Variants in G6PD observed in about 807,000 individuals in gnomAD.
G6PD encodes glucose-6-phosphate 1-dehydrogenase.
A neutral mutation model predicts 38.2 loss-of-function variants in G6PD; 2 were observed. That is an observed-to-expected ratio of 0.05 (90% CI 0.02 to 0.16). G6PD has a LOEUF of 0.16. G6PD is among the 10% of genes least tolerant of loss of function. G6PD has a pLI of 1.00. For missense variants in G6PD, 310 were observed against 471.6 expected (o/e 0.66, Z 3.17); for synonymous variants, 188 against 196.0 (o/e 0.96, Z 0.34).
Position 154,535,316 on chromosome X carries a change from C to A in G6PD, c.337G>T (p.Asp113Tyr), listed in dbSNP as rs5030870. Residue 113 changes from aspartate (D) to tyrosine (Y), a missense_variant, in exon 5 of 13, where the codon GAT becomes TAT. Asp to Tyr is a radical substitution (Grantham distance 160). This residue lies in a region of G6PD where 96 missense variants were observed against 93.3 expected (regional missense o/e 1.03). Coordinates refer to ENST00000393562, the MANE Select transcript of G6PD (RefSeq NM_001360016.2). ...ARNSYVAGQY[D>Y]DAASYQRLNS... ...AGGCGCTGGTAGGAGGCTGCATCAT[C>A]GTACTGGCCAGCCACATAGGAGTTG... The A allele has an allele frequency of 3.3e-6, 4 of 1,210,686 alleles. No individual in the cohort carries two copies. In the African/African-American group the frequency reaches 5.2e-5, roughly 16 times the overall value.
At position 154,535,208 on chromosome X, in the gene G6PD, C is replaced by T. The variant is rs782669677; in HGVS notation, c.445G>A (p.Ala149Thr). ...YLALPPTVYEAVTKNIHESCM... is the reference protein window; with the variant it reads ...YLALPPTVYETVTKNIHESCM... ...GACTCGTGAATGTTCTTGGTGACGG[C>T]CTCGTAGACGGTCGGGGGCAAGGCC... The change falls in exon 5 of 13, where the codon GCC becomes ACC. Residue 149 changes from alanine to threonine, a missense_variant. This residue lies in a region of G6PD where 96 missense variants were observed against 93.3 expected (regional missense o/e 1.03). Transcript: ENST00000393562. 5 of 1,209,844 alleles carry T rather than the reference C, an allele frequency of 4.1e-6. No individual in the cohort carries two copies. The African/African-American group carries it at 8.7e-5, about 21-fold the overall frequency.
chrX:154,547,203 G>A (rs1004313219), upstream of G6PD: 13 of 432,351 alleles, frequency 3.0e-5, no homozygotes, highest in Non-Finnish European at 3.5e-5. Flanking sequence ...CGCGCTCGCG[G>A]AGGGCTCCAC....
intron 1 of G6PD, among the ~76,000 whole-genome samples, chrX:154,546,458 G>C (rs1265785847): frequency 1.8e-5 from 2 of 112,075 alleles, no homozygotes; most frequent in African/African-American, 6.5e-5. Flanking sequence ...TAAAATCCTT[G>C]TGGGGCATGG....
At position 154,533,323 on chromosome X, in the gene G6PD, C is replaced by T. The variant is rs2070364556; in HGVS notation, c.865-195G>A. 4 of 508,240 alleles carry T rather than the reference C, an allele frequency of 7.9e-6. No individual in the cohort carries two copies. In the Admixed American group the frequency reaches 1.4e-4, roughly 18 times the overall value. The allele number at this position is 508,240 out of a possible 1,213,427, so 41.9% of individuals were successfully genotyped here. A position where few individuals can be genotyped will look rare whatever the true frequency, so the allele number is the denominator to read the frequency against. The stretch of plus-strand genomic sequence containing the variant: ...CACCCTGGTCCATCTCGAGTCTATT[C>T]TGATGAACAAGCTGAGGCCCAGAGA... On this transcript the variant is annotated intron_variant, in intron 8 of 12. Coordinates refer to ENST00000393562, the MANE Select transcript of G6PD (RefSeq NM_001360016.2).
intron 2 of G6PD, among the ~76,000 whole-genome samples, chrX:154,537,972 A>C: frequency 9.5e-6 from 1 of 105,429 alleles, no homozygotes; most frequent in Non-Finnish European, 1.9e-5. Context: ...TGGGAGGAAG[A>C]TTGCTTGAAA....
At chrX:154,538,584 C>T (rs782315706) in intron 2 of G6PD, among the ~76,000 whole-genome samples, 1 of 111,854 alleles carries the variant, frequency 8.9e-6, no homozygotes, top group East Asian at 2.8e-4. Flanking sequence ...AAACTCTTAG[C>T]AGAGGGGGAA....
At position 154,533,886 on chromosome X, in the gene G6PD, C is replaced by A. The variant is rs1295282671; in HGVS notation, c.770+149G>T. 3 of 1,197,403 alleles carry A rather than the reference C, an allele frequency of 2.5e-6. No individual in the cohort carries two copies. The African/African-American group carries it at 5.3e-5, about 21-fold the overall frequency. Reference sequence around the variant, plus strand: ...GTGCTTGGCTGTGTAGGGGTCCAGCCCTTTCCAGCCCGGTCTGATAGCTCA... The same window carrying A: ...GTGCTTGGCTGTGTAGGGGTCCAGCACTTTCCAGCCCGGTCTGATAGCTCA... On this transcript the variant is annotated intron_variant, in intron 7 of 12. Coordinates refer to ENST00000393562, the MANE Select transcript of G6PD (RefSeq NM_001360016.2).
At position 154,533,167 on chromosome X, in the gene G6PD, G is replaced by A. The variant is rs782743045; in HGVS notation, c.865-39C>T. On this transcript the variant is annotated intron_variant, in intron 8 of 12. Coordinates refer to ENST00000393562, the MANE Select transcript of G6PD (RefSeq NM_001360016.2). ...AAGGGAGAGAATGGGCTCCTTGGGT[G>A]TTGAGTTGGGGTGCAGGGATGACTG... 1.0e-5 allele frequency: 12 copies of A among 1,180,506 alleles called. No individual in the cohort carries two copies. In the East Asian group the frequency reaches 3.3e-4, roughly 32 times the overall value.
chrX:154,538,953 C>CA (rs2070442598), intron 2 of G6PD, among the ~76,000 whole-genome samples: 1 of 108,992 alleles, frequency 9.2e-6, no homozygotes, highest in Non-Finnish European at 1.9e-5. Flanking sequence ...AAACAAAGAA[C>CA]AAAAAAACCC....
At chrX:154,544,274 G>A (rs1163091033) in intron 2 of G6PD, among the ~76,000 whole-genome samples, 1 of 110,922 alleles carries the variant, frequency 9.0e-6, no homozygotes, top group Non-Finnish European at 1.9e-5. Context: ...CGATTCTACT[G>A]CCTCAGCCTA....
chrX:154,547,450 C>T (rs1201299940), upstream of G6PD: 2 of 754,291 alleles, frequency 2.7e-6, no homozygotes, highest in Admixed American at 8.5e-5. Flanking sequence ...GCAAAGTGGC[C>T]GGCGTGCTTA....
At chrX:154,532,158 C>T in intron 12 of G6PD, 30 bp downstream of exon 12, 1 of 1,193,040 alleles carries the variant, frequency 8.4e-7, no homozygotes, top group Non-Finnish European at 1.1e-6. Flanking sequence ...GCCCGCTGGG[C>T]TCTGTCCCCA....
intron 2 of G6PD, among the ~76,000 whole-genome samples, chrX:154,543,137 C>A (rs1233325587): frequency 8.9e-6 from 1 of 112,016 alleles, no homozygotes; most frequent in Non-Finnish European, 1.9e-5. Flanking sequence ...ATCTCCCCCA[C>A]AGCAGGAAGA....
At chrX:154,539,884 G>T (rs60738129) in intron 2 of G6PD, among the ~76,000 whole-genome samples, 3,327 of 109,745 alleles carry the variant, frequency 0.03, 122 homozygotes, top group African/African-American at 0.1. Context: ...CACCACGCCC[G>T]GCTAATTTTT....
intron 2 of G6PD, 116 bp downstream of exon 2, chrX:154,545,920 G>C: frequency 4.2e-6 from 4 of 946,786 alleles, no homozygotes; most frequent in Non-Finnish European, 6.0e-6. Context: ...AGCAGGAGCG[G>C]GAGGAGGAGC....
At chrX:154,542,628 C>T (rs2070548237) in intron 2 of G6PD, among the ~76,000 whole-genome samples, 2 of 111,917 alleles carry the variant, frequency 1.8e-5, no homozygotes, top group African/African-American at 6.5e-5. Flanking sequence ...CACGTGGGTC[C>T]AGCCTGCCCC....
intron 3 of G6PD, 31 bp from the exon 4 acceptor site, chrX:154,536,076 G>A (rs781997766): frequency 8.3e-7 from 1 of 1,202,867 alleles, no homozygotes; most frequent in East Asian, 3.0e-5. Context: ...TAACCAGTGC[G>A]GGCAGGGCAG....
intron 2 of G6PD, among the ~76,000 whole-genome samples, chrX:154,544,929 A>G (rs1347746664): frequency 2.7e-5 from 3 of 112,660 alleles, no homozygotes; most frequent in African/African-American, 9.7e-5. Flanking sequence ...ACTAGTTTTG[A>G]TAGAGCTCCT....
In G6PD at chrX:154,536,124, T is replaced by C. The variant is rs782818094; in HGVS notation, c.158+17A>G. On this transcript the variant is annotated intron_variant, in intron 3 of 12. Coordinates refer to ENST00000393562, the MANE Select transcript of G6PD (RefSeq NM_001360016.2). ...CCCTGGCGGGAGGTCACAGGGGCAG[T>C]GGTGGGACACACTTACCAGATGGTG... 13 of 1,210,721 alleles carry C rather than the reference T, an allele frequency of 1.1e-5. No individual in the cohort carries two copies. Among genetic ancestry groups the C allele is most frequent in the Non-Finnish European group, 1.5e-5 (13 of 894,396 alleles).
Sources: allele counts gnomAD v4.1 joint callset (sites outside exome capture counted in the v4.1 genomes callset), GRCh38; gene constraint gnomAD v4.1.1; regional missense constraint gnomAD v4.1.1; transcripts MANE v1.5; gene names NCBI Gene and HGNC (gene_info 2026-07-23, HGNC 2026-07-21).